The following DAB1 variants were observed in gnomAD, a reference collection of about 807,000 sequenced individuals.
DAB1 encodes the protein DAB adaptor protein 1.
A neutral mutation model predicts 64.6 loss-of-function variants in DAB1; 15 were observed. The ratio of observed to expected loss-of-function variants is 0.23; its 90% CI spans 0.16 to 0.36. DAB1 has a LOEUF of 0.36. DAB1 is among the 10% of genes least tolerant of loss of function. The probability of loss-of-function intolerance (pLI) is 1.00; values close to 1 mark genes in which losing one functional copy is unlikely to be tolerated. For missense variants in DAB1, 596 were observed against 706.7 expected, an observed-to-expected ratio of 0.84 and a Z score of 1.78; for synonymous variants, 235 against 251.9, an observed-to-expected ratio of 0.93 and a Z score of 0.64.
chr1:58,141,945 A>T (rs1345507047), intron 5 of DAB1, among the ~76,000 whole-genome samples: 1 of 152,164 alleles, frequency 6.6e-6, no homozygotes, highest in Non-Finnish European at 1.5e-5. Flanking sequence ...ACACAACTCC[A>T]GTTAGACACA....
intron 2 of DAB1, among the ~76,000 whole-genome samples, chr1:57,271,949 A>G (rs1204214797): frequency 1.3e-5 from 2 of 152,220 alleles, no homozygotes; most frequent in South Asian, 2.1e-4. Context: ...CCTGTAACTC[A>G]GGTGCAGATG....
intron 2 of DAB1, among the ~76,000 whole-genome samples, chr1:57,282,202 A>C (rs1471051292): frequency 5.8e-5 from 6 of 103,072 alleles, no homozygotes; most frequent in African/African-American, 1.8e-4. Context: ...AAAAAAAAAA[A>C]AAAAAAAAAA....
chr1:57,522,298 C>A (rs1453294627), intron 7 of DAB1, among the ~76,000 whole-genome samples: 1 of 152,168 alleles, frequency 6.6e-6, no homozygotes, highest in African/African-American at 2.4e-5. Context: ...TACTCTCTCA[C>A]CCTTTAGGAG....
At chr1:58,529,912 ACT>A (rs1480801564) in intron 1 of DAB1, among the ~76,000 whole-genome samples, 1 of 151,744 alleles carries the variant, frequency 6.6e-6, no homozygotes, top group Non-Finnish European at 1.5e-5. Context: ...ATGTAGTCTC[ACT>A]CTGTCGCCCA....
intron 4 of DAB1, among the ~76,000 whole-genome samples, chr1:58,286,914 A>G (rs928615106): frequency 6.6e-6 from 1 of 152,246 alleles, no homozygotes; most frequent in Non-Finnish European, 1.5e-5. Flanking sequence ...ACATGGAATC[A>G]ACACAAATGC....
chr1:57,553,216 G>A (rs144084105), intron 7 of DAB1, among the ~76,000 whole-genome samples: 1 of 151,404 alleles, frequency 6.6e-6, no homozygotes, highest in Non-Finnish European at 1.5e-5. Flanking sequence ...TGGCTTTGGA[G>A]TTTTTAGTGG....
intron 4 of DAB1, among the ~76,000 whole-genome samples, chr1:58,343,031 C>G (rs903621286): frequency 1.3e-5 from 2 of 152,146 alleles, no homozygotes; most frequent in African/African-American, 4.8e-5. Context: ...TGCCATTCAC[C>G]ATTTGGCCAC....
intron 5 of DAB1, among the ~76,000 whole-genome samples, chr1:58,005,004 T>C (rs1646560446): frequency 6.6e-6 from 1 of 152,184 alleles, no homozygotes; most frequent in African/African-American, 2.4e-5. Context: ...TACAAGGAAT[T>C]GACCCTGTTT....
chr1:58,462,154 C>G (rs536539999), intron 3 of DAB1, among the ~76,000 whole-genome samples: 1 of 138,952 alleles, frequency 7.2e-6, no homozygotes, highest in Non-Finnish European at 1.5e-5. Context: ...GAGTCTCGCT[C>G]TGTCGCCCAG....
At chr1:58,422,050 C>G (rs572804048) in intron 3 of DAB1, among the ~76,000 whole-genome samples, 13 of 151,986 alleles carry the variant, frequency 8.6e-5, no homozygotes, top group Admixed American at 3.3e-4. Context: ...GAATCCTCAG[C>G]CTACTTGCCT....
At chr1:57,490,770 TTTAAATTGTATGC>T (rs1438441087) in intron 7 of DAB1, among the ~76,000 whole-genome samples, 1 of 152,250 alleles carries the variant, frequency 6.6e-6, no homozygotes, top group Non-Finnish European at 1.5e-5. Flanking sequence ...AGGCCAGGGC[TTTAAATTGTATGC>T]TCCTTCCACC....
intron 14 of DAB1, among the ~76,000 whole-genome samples, chr1:57,006,682 G>T (rs1646082296): frequency 6.6e-6 from 1 of 152,140 alleles, no homozygotes; most frequent in South Asian, 2.1e-4. Context: ...ACTTGTCATT[G>T]AGTTCTGTGT....
intron 1 of DAB1, among the ~76,000 whole-genome samples, chr1:57,827,947 T>C (rs1177570031): frequency 1.3e-5 from 2 of 152,312 alleles, no homozygotes; most frequent in African/African-American, 2.4e-5. Context: ...TATCTTTGTT[T>C]GTTTGTTTTT....
At chr1:58,333,538 G>T (rs919878831) in intron 4 of DAB1, among the ~76,000 whole-genome samples, 7 of 152,214 alleles carry the variant, frequency 4.6e-5, no homozygotes, top group African/African-American at 1.4e-4. Context: ...GAGTGTATGG[G>T]TGCACACGCA....
intron 2 of DAB1, among the ~76,000 whole-genome samples, chr1:57,221,086 T>C (rs1666829249): frequency 6.6e-6 from 1 of 152,238 alleles, no homozygotes; most frequent in African/African-American, 2.4e-5. Flanking sequence ...GATGAGTTCA[T>C]GTCCTTTGTA....
intron 4 of DAB1, among the ~76,000 whole-genome samples, chr1:58,244,754 G>C (rs1050018482): frequency 3.3e-5 from 5 of 152,144 alleles, no homozygotes; most frequent in Non-Finnish European, 7.3e-5. Flanking sequence ...TATTGTGCCA[G>C]GCATGTTCCA....
chr1:57,903,385 G>A (rs1471037167), intron 5 of DAB1, among the ~76,000 whole-genome samples: 1 of 152,088 alleles, frequency 6.6e-6, no homozygotes, highest in Non-Finnish European at 1.5e-5. Flanking sequence ...TATCACTCTA[G>A]ACATGTAGGT....
chr1:58,425,953 G>A (rs898633783), intron 3 of DAB1, among the ~76,000 whole-genome samples: 1 of 152,070 alleles, frequency 6.6e-6, no homozygotes. Flanking sequence ...GTAGGGTTAG[G>A]ACAGATCTTT....
chr1:58,447,375 G>A lies in DAB1; in HGVS notation n.257+58685C>T, dbSNP rs1028829594. On this transcript the variant is annotated intron_variant and non_coding_transcript_variant, in intron 3 of 20. Coordinates refer to the DAB1 transcript ENST00000485760. Reference sequence around the variant, plus strand: ...TCAACATGAAAAAAAGGAGAGAGTTGATCAACTTTCAGTCTCAGAAAGGAC... The same window carrying A: ...TCAACATGAAAAAAAGGAGAGAGTTAATCAACTTTCAGTCTCAGAAAGGAC... Among the ~76,000 whole-genome samples, 66 of 150,308 alleles carry A rather than the reference G, an allele frequency of 4.4e-4. 1 individual carries two copies. Among genetic ancestry groups the A allele is most frequent in the Non-Finnish European group, 1.5e-5 (1 of 67,310 alleles).
Sources: allele counts gnomAD v4.1 joint callset (sites outside exome capture counted in the v4.1 genomes callset), GRCh38; gene constraint gnomAD v4.1.1; transcripts MANE v1.5; gene names NCBI Gene and HGNC (gene_info 2026-07-23, HGNC 2026-07-21).